Variants in DTX4 observed in about 807,000 individuals in gnomAD.
DTX4 encodes the protein deltex E3 ubiquitin ligase 4, also known as E3 ubiquitin-protein ligase DTX4.
Under a neutral mutation model 57.6 loss-of-function variants are expected in DTX4, and 28 were observed. The ratio of observed to expected loss-of-function variants is 0.49; its 90% confidence interval spans 0.36 to 0.67. DTX4 has a LOEUF of 0.67. Ranked by LOEUF, DTX4 falls within the 30% of genes least tolerant of loss-of-function variation. The probability of loss-of-function intolerance (pLI) is 0.00; values close to 1 mark genes in which losing one functional copy is unlikely to be tolerated. For synonymous variants in DTX4, 316 were observed against 331.0 expected, an observed-to-expected ratio of 0.95 and a Z score of 0.49; for missense variants, 715 against 836.8, an observed-to-expected ratio of 0.85 and a Z score of 1.80.
At chr11:59,184,442 G>A (rs1451739683) in intron 2 of DTX4, among the ~76,000 whole-genome samples, 1 of 152,242 alleles carries the variant, frequency 6.6e-6, no homozygotes, top group African/African-American at 2.4e-5. Flanking sequence ...ACTTAGCACA[G>A]TGCTTGACAC....
rs756322208 is a variant in DTX4 at position 59,181,781 on chromosome 11, C to T, written c.254C>T (p.Ser85Leu). 34 of 1,613,194 alleles carry T rather than the reference C, an allele frequency of 2.1e-5. No homozygotes were observed. The highest frequency in any genetic ancestry group is 2.7e-5 in the African/African-American group (2 of 74,928). The change falls in exon 2 of 9, where the codon TCG (serine) becomes TTG (leucine). Residue 85 changes from serine (S) to leucine (L), a missense_variant. Transcript: ENST00000227451. ...PVRRNYYDPS[S>L]APGKGVVWEW... is the part of the protein sequence containing the mutation. ...CGCCGCAACTACTACGACCCCTCCT[C>T]GGCCCCTGGGAAGGGCGTGGTGTGG... is the stretch of plus-strand genomic sequence containing the variant.
At chr11:59,174,384 CA>C (rs1435119488) in intron 1 of DTX4, among the ~76,000 whole-genome samples, 3 of 149,544 alleles carry the variant, frequency 2.0e-5, no homozygotes, top group Non-Finnish European at 4.4e-5. Context: ...AGGGTGGAGG[CA>C]TCAGAAGGTG....
Position 59,204,918 on chromosome 11 carries a change from A to G in DTX4, c.*9A>G, listed in dbSNP as rs767932575. On this transcript the variant is annotated 3_prime_UTR_variant, in exon 9 of 9. Transcript: ENST00000227451. Reference sequence around the variant, plus strand: ...CCCAGGAGAAGGACTGAGGCCAGAAAAGCTTTGAGGTGGGAGGGGCCATGG... The same window carrying G: ...CCCAGGAGAAGGACTGAGGCCAGAAGAGCTTTGAGGTGGGAGGGGCCATGG... 1.3e-6 allele frequency: 2 copies of G among 1,566,118 alleles called. No individual in the cohort carries two copies. The highest frequency in any genetic ancestry group is 1.2e-5 in the South Asian group (1 of 85,366).
intron 5 of DTX4, 150 bp downstream of exon 5, chr11:59,191,325 G>A (rs1862595837): frequency 2.7e-6 from 2 of 732,466 alleles, no homozygotes; most frequent in Non-Finnish European, 4.4e-6. Flanking sequence ...GAGGGTTCAA[G>A]GTCCATGGTC....
intron 6 of DTX4, among the ~76,000 whole-genome samples, chr11:59,193,499 T>C (rs1008420643): frequency 2.0e-5 from 3 of 152,172 alleles, no homozygotes; most frequent in Non-Finnish European, 4.4e-5. Context: ...CTAAAAGGAT[T>C]CATTGGGATC....
At chr11:59,198,030 T>C (rs1394314409) in intron 7 of DTX4, among the ~76,000 whole-genome samples, 1 of 152,186 alleles carries the variant, frequency 6.6e-6, no homozygotes. Flanking sequence ...TCTACATTCA[T>C]CCCTGAGTGT....
chr11:59,204,906 C>T lies in DTX4; in HGVS notation c.1857C>T (p.Asp619=). 1 of 1,575,142 alleles carries T rather than the reference C, an allele frequency of 6.3e-7. No homozygotes were observed. ...AGGACAGCACTGCCCAGGAGAAGGACTGAGGCCAGAAAAGCTTTGAGGTGG... is the reference window on the plus strand; with the variant it reads ...AGGACAGCACTGCCCAGGAGAAGGATTGAGGCCAGAAAAGCTTTGAGGTGG... The part of the protein sequence containing the change: ...ISEDSTAQEK[D] The change falls in exon 9 of 9, where the codon GAC becomes GAT. Residue 619 remains aspartate, a synonymous_variant. Coordinates refer to ENST00000227451, the MANE Select transcript of DTX4 (RefSeq NM_015177.2).
chr11:59,208,265 A>G lies in DTX4; in HGVS notation c.*3356A>G, dbSNP rs1390894022. ...TACCTCCCTGAGTCTGTAAGCAACCACAAGCCCTGCCACTGGGTGGGGGAA... is the reference window on the plus strand; with the variant it reads ...TACCTCCCTGAGTCTGTAAGCAACCGCAAGCCCTGCCACTGGGTGGGGGAA... On this transcript the variant is annotated 3_prime_UTR_variant, in exon 9 of 9. Coordinates refer to ENST00000227451, the MANE Select transcript of DTX4 (RefSeq NM_015177.2). The G allele has an allele frequency of 6.6e-6, 1 of 152,424 alleles. No homozygotes were observed. The highest frequency in any genetic ancestry group is 1.9e-4 in the East Asian group (1 of 5,190). 9.4% of individuals were successfully genotyped at this position (152,424 alleles called of 1,614,324 possible).
chr11:59,191,379 G>C (rs1000877521), intron 5 of DTX4, among the ~76,000 whole-genome samples: 1 of 152,176 alleles, frequency 6.6e-6, no homozygotes, highest in African/African-American at 2.4e-5. Context: ...TCCCCCTTCA[G>C]CATAGTGCTG....
At chr11:59,182,524 C>A (rs1862480418) in intron 2 of DTX4, 62 bp downstream of exon 2, 1 of 1,475,906 alleles carries the variant, frequency 6.8e-7, no homozygotes, top group Non-Finnish European at 9.0e-7. Context: ...TACAGCAGAT[C>A]TTCTGGATCA....
rs376626663 is a variant in DTX4 at position 59,172,673 on chromosome 11, G to A, written c.78G>A (p.Val26=). The A allele has an allele frequency of 2.5e-6, 4 of 1,600,248 alleles. No homozygotes were observed. The highest frequency in any genetic ancestry group is 1.7e-6 in the Non-Finnish European group (2 of 1,176,652). The change falls in exon 1 of 9, where the codon GTG becomes GTA. Residue 26 remains valine, a synonymous_variant. Coordinates refer to ENST00000227451, the MANE Select transcript of DTX4 (RefSeq NM_015177.2). Reference sequence around the variant, plus strand: ...GCTGGCGTCCCTACAGCCCAGCGGTGAGCCACCACATCGAGGCGGTGGTCC... The same window carrying A: ...GCTGGCGTCCCTACAGCCCAGCGGTAAGCCACCACATCGAGGCGGTGGTCC... ...HGRWRPYSPA[V]SHHIEAVVRA...
rs1350284656 is a variant in DTX4, at chr11:59,172,384, G to T, written c.-212G>T. On this transcript the variant is annotated 5_prime_UTR_variant, in exon 1 of 9. Coordinates refer to ENST00000227451, the MANE Select transcript of DTX4 (RefSeq NM_015177.2). Reference sequence around the variant, plus strand: ...GACCCCGGCGGCGGCGGCGGCGCGCGGTCCCAGCCAGGCGGCCCCGGTGTC... The same window carrying T: ...GACCCCGGCGGCGGCGGCGGCGCGCTGTCCCAGCCAGGCGGCCCCGGTGTC... 4.7e-5 allele frequency: 8 copies of T among 169,310 alleles called. No individual in the cohort carries two copies. Among genetic ancestry groups the T allele is most frequent in the African/African-American group, 2.4e-5 (1 of 41,646 alleles). The allele number at this position is 169,310 out of a possible 1,614,324, so 10.5% of individuals were successfully genotyped here.
At chr11:59,180,218 G>T (rs1257066696) in intron 1 of DTX4, among the ~76,000 whole-genome samples, 1 of 152,002 alleles carries the variant, frequency 6.6e-6, no homozygotes, top group African/African-American at 2.4e-5. Context: ...CATACTCTTT[G>T]TTCCCCAGCA....
At chr11:59,174,057 C>T (rs1208112917) in intron 1 of DTX4, among the ~76,000 whole-genome samples, 1 of 152,142 alleles carries the variant, frequency 6.6e-6, no homozygotes, top group Non-Finnish European at 1.5e-5. Flanking sequence ...GGAAAGCCCC[C>T]ACATCCTGTG....
At chr11:59,200,849 T>A (rs1862732526) in intron 8 of DTX4, among the ~76,000 whole-genome samples, 1 of 152,198 alleles carries the variant, frequency 6.6e-6, no homozygotes, top group Non-Finnish European at 1.5e-5. Flanking sequence ...TTAGACAAGA[T>A]ATATTTTAGT....
In DTX4 at chr11:59,194,068, C is replaced by T. The variant is rs550613768; in HGVS notation, c.1375-1140C>T. Among the ~76,000 whole-genome samples, 9 of 152,234 alleles carry T rather than the reference C, an allele frequency of 5.9e-5. No individual in the cohort carries two copies. In the South Asian group the frequency reaches 8.3e-4, roughly 14 times the overall value. ...ACCTCACCAGGTCCTGCAGTGAAAC[C>T]GTCACCCTGTACACCCCTGCATCCA... On this transcript the variant is annotated intron_variant, in intron 6 of 8. Coordinates refer to ENST00000227451, the MANE Select transcript of DTX4 (RefSeq NM_015177.2).
In DTX4 at chr11:59,172,539, G is replaced by A; in HGVS notation, c.-57G>A. 8.2e-7 allele frequency: 1 copy of A among 1,217,924 alleles called. No individual in the cohort carries two copies. The highest frequency in any genetic ancestry group is 1.6e-5 in the African/African-American group (1 of 62,798). 75.4% of individuals were successfully genotyped at this position (1,217,924 alleles called of 1,614,324 possible). Reference sequence around the variant, plus strand: ...GGCGGCGCAGGAGGAAGCGGAGGAGGTCGGGCGCTCGGGGCCCGGGAGGCG... The same window carrying A: ...GGCGGCGCAGGAGGAAGCGGAGGAGATCGGGCGCTCGGGGCCCGGGAGGCG... On this transcript the variant is annotated 5_prime_UTR_variant, in exon 1 of 9. Coordinates refer to ENST00000227451, the MANE Select transcript of DTX4 (RefSeq NM_015177.2).
intron 7 of DTX4, among the ~76,000 whole-genome samples, chr11:59,195,915 T>A (rs1358926886): frequency 6.6e-6 from 1 of 152,274 alleles, no homozygotes; most frequent in East Asian, 1.9e-4. Context: ...TATTTGCACT[T>A]GTAATTTGAT....
chr11:59,189,193 G>T lies in DTX4; in HGVS notation c.1029G>T (p.Gly343=). The T allele has an allele frequency of 6.2e-7, 1 of 1,613,554 alleles. No individual in the cohort carries two copies. The highest frequency in any genetic ancestry group is 8.5e-7 in the Non-Finnish European group (1 of 1,179,864). ...CTGGGATCCTCATGAGTGCAGCGGG[G>T]CTGCCTGTGTGTCTCACCAGGCCAC... The part of the protein sequence containing the change: ...GITGILMSAA[G]LPVCLTRPPK... The change falls in exon 4 of 9, where the codon GGG becomes GGT. Residue 343 remains glycine, a synonymous_variant. Coordinates refer to ENST00000227451, the MANE Select transcript of DTX4 (RefSeq NM_015177.2).
Sources: gnomAD v4.1 joint callset for allele counts (sites outside exome capture counted in the v4.1 genomes callset) on GRCh38, gnomAD v4.1.1 for gene constraint, MANE v1.5 for transcripts, NCBI Gene and HGNC (gene_info 2026-07-23, HGNC 2026-07-21) for gene names.